The following ATP23 variants were observed in gnomAD, a reference collection of about 807,000 sequenced individuals.
ATP23 encodes the protein ATP23 metallopeptidase and ATP synthase assembly factor homolog, also known as mitochondrial inner membrane protease ATP23 homolog.
A neutral mutation model predicts 28.5 loss-of-function variants in ATP23; 24 were observed. The observed-to-expected ratio is 0.84, with a 90% CI of 0.61 to 1.18. The LOEUF is 1.18. Ranked by LOEUF, ATP23 falls within the 50% of genes most tolerant of loss-of-function variation. The pLI is 0.00. For synonymous variants in ATP23, 99 were observed against 108.6 expected (o/e 0.91, Z 0.55); for missense variants, 274 against 306.4 (o/e 0.89, Z 0.79).
intron 1 of ATP23, among the ~76,000 whole-genome samples, chr12:57,943,982 T>TC (rs201519012): frequency 2.2e-5 from 3 of 135,902 alleles, no homozygotes; most frequent in African/African-American, 7.9e-5. Flanking sequence ...TGGGAGTCTC[T>TC]TTTTTTTTTT....
In ATP23 at chr12:57,959,107, A is replaced by G. The variant is rs1169205194; in HGVS notation, c.*2217A>G. 2.0e-5 allele frequency among the ~76,000 whole-genome samples: 3 copies of G among 152,196 alleles called. No individual in the cohort carries two copies. Among genetic ancestry groups the G allele is most frequent in the Non-Finnish European group, 4.4e-5 (3 of 68,034 alleles). The stretch of plus-strand genomic sequence containing the variant: ...AATGCAAAATGCTCTGGAAAATCTC[A>G]GCAATAGAATTGAACAAGTAGAAGA... On this transcript the variant is annotated 3_prime_UTR_variant, in exon 6 of 6. Transcript: ENST00000300145.
intron 5 of ATP23, 118 bp downstream of exon 5, chr12:57,953,807 A>C: frequency 1.1e-6 from 1 of 886,912 alleles, no homozygotes; most frequent in South Asian, 1.5e-5. Flanking sequence ...TGTGAAAAGA[A>C]TACAAAGTAT....
In ATP23 at chr12:57,956,726, G is replaced by A; in HGVS notation, c.577G>A (p.Val193Ile). 6.2e-7 allele frequency: 1 copy of A among 1,613,870 alleles called. No individual in the cohort carries two copies. The highest frequency in any genetic ancestry group is 8.5e-7 in the Non-Finnish European group (1 of 1,179,926). The change falls in exon 6 of 6, where the codon GTT becomes ATT. Residue 193 changes from valine (V) to isoleucine (I), a missense_variant. Val to Ile is a conservative substitution (Grantham distance 29). Coordinates refer to ENST00000300145, the MANE Select transcript of ATP23 (RefSeq NM_033276.4). ...CAGAGCCACTCTTTCTATCCTGGCT[G>A]TTAGGAATATCAGCAAAGAAGTAGC... ...RDRATLSILA[V>I]RNISKEVAKK...
At position 57,941,584 on chromosome 12, in the gene ATP23, C is replaced by G; in HGVS notation, c.-118C>G. 1 of 1,388,438 alleles carries G rather than the reference C, an allele frequency of 7.2e-7. No homozygotes were observed. The highest frequency in any genetic ancestry group is 9.5e-7 in the Non-Finnish European group (1 of 1,047,662). The allele number at this position is 1,388,438 out of a possible 1,614,324, so 86.0% of individuals were successfully genotyped here. A position where few individuals can be genotyped will look rare whatever the true frequency, so the allele number is the denominator to read the frequency against. On this transcript the variant is annotated 5_prime_UTR_variant, in exon 1 of 6. Coordinates refer to ENST00000300145, the MANE Select transcript of ATP23 (RefSeq NM_033276.4). ...ACGTCTTCAGCCCAGCCAGGCTGCC[C>G]TTCTTCCCTGCGGAGGGAGGGCCTG...
intron 1 of ATP23, among the ~76,000 whole-genome samples, chr12:57,944,030 G>T: frequency 7.4e-6 from 1 of 134,380 alleles, no homozygotes; most frequent in Non-Finnish European, 1.6e-5. Context: ...AAATATTGCT[G>T]CAGGTCCTTT....
chr12:57,942,330 G>T (rs924845982), intron 1 of ATP23, among the ~76,000 whole-genome samples: 4 of 152,096 alleles, frequency 2.6e-5, no homozygotes, highest in Non-Finnish European at 5.9e-5. Context: ...ACCGTTCCTT[G>T]GAAGTGGTTC....
In ATP23 at chr12:57,944,164, C is replaced by T. The variant is rs191421205; in HGVS notation, c.188-1464C>T. ...AATAATGTGCTTAATATGGTGCCTGCTACCTGGTATTCACTCAATAATACG... is the reference window on the plus strand; with the variant it reads ...AATAATGTGCTTAATATGGTGCCTGTTACCTGGTATTCACTCAATAATACG... On this transcript the variant is annotated intron_variant, in intron 1 of 5. Coordinates refer to ENST00000300145, the MANE Select transcript of ATP23 (RefSeq NM_033276.4). 7.4e-3 allele frequency among the ~76,000 whole-genome samples: 1,119 copies of T among 151,474 alleles called. 7 individuals carry two copies. Among genetic ancestry groups the T allele is most frequent in the Middle Eastern group, 0.017 (5 of 294 alleles).
rs1226601610 is a variant in ATP23, at chr12:57,958,407, C to G, written c.*1517C>G. Among the ~76,000 whole-genome samples, 1 of 152,186 alleles carries G rather than the reference C, an allele frequency of 6.6e-6. No individual in the cohort carries two copies. The highest frequency in any genetic ancestry group is 1.5e-5 in the Non-Finnish European group (1 of 68,032). ...ACTGATGCTCTCTGGAAAGCGCTACCTCCTGGCAGGAGGCCAGCCAGCACA... is the reference window on the plus strand; with the variant it reads ...ACTGATGCTCTCTGGAAAGCGCTACGTCCTGGCAGGAGGCCAGCCAGCACA... On this transcript the variant is annotated 3_prime_UTR_variant, in exon 6 of 6. Coordinates refer to ENST00000300145, the MANE Select transcript of ATP23 (RefSeq NM_033276.4).
At chr12:57,953,556 T>C in intron 4 of ATP23, 50 bp from the exon 5 acceptor site, 5 of 1,480,322 alleles carry the variant, frequency 3.4e-6, no homozygotes, top group Non-Finnish European at 4.7e-6. Flanking sequence ...ATCATAAAGA[T>C]ATATAGAGCA....
At chr12:57,951,671 A>C in intron 3 of ATP23, 87 bp from the exon 4 acceptor site, 1 of 1,439,976 alleles carries the variant, frequency 6.9e-7, no homozygotes, top group East Asian at 2.3e-5. Flanking sequence ...CTTGTGGGGG[A>C]GAGGTGAGGT....
Position 57,954,021 on chromosome 12 carries a change from C to T in ATP23, c.537+332C>T, listed in dbSNP as rs563409562. ...CAGCGTGGCCAACATGGTGAAACCC[C>T]GTGTCTACTAAAAATACAAAAAAAT... On this transcript the variant is annotated intron_variant, in intron 5 of 5. Coordinates refer to ENST00000300145, the MANE Select transcript of ATP23 (RefSeq NM_033276.4). 3.3e-5 allele frequency among the ~76,000 whole-genome samples: 5 copies of T among 151,818 alleles called. No homozygotes were observed. In the East Asian group the frequency reaches 5.8e-4, roughly 18 times the overall value.
chr12:57,946,927 C>A, intron 2 of ATP23, 68 bp from the exon 3 acceptor site: 2 of 1,424,974 alleles, frequency 1.4e-6, no homozygotes, highest in South Asian at 1.2e-5. Flanking sequence ...GTCTCCTGAG[C>A]CCTGGCCCAG....
At chr12:57,945,814 A>G in intron 2 of ATP23, 141 bp downstream of exon 2, 1 of 699,364 alleles carries the variant, frequency 1.4e-6, no homozygotes, top group Non-Finnish European at 2.4e-6. Flanking sequence ...AATTGGCTGC[A>G]TTGTCTCCGG....
chr12:57,953,580 C>G (rs777495341), intron 4 of ATP23, 26 bp from the exon 5 acceptor site: 51 of 1,602,106 alleles, frequency 3.2e-5, no homozygotes, highest in Non-Finnish European at 4.3e-5. Flanking sequence ...GCGTTTATTT[C>G]TTTTTATTTG....
chr12:57,956,467 G>A (rs1481688576), intron 5 of ATP23, among the ~76,000 whole-genome samples: 2 of 151,886 alleles, frequency 1.3e-5, no homozygotes, highest in African/African-American at 4.8e-5. Context: ...AGAAAATGGA[G>A]AAGGTCTTAC....
At chr12:57,945,766 T>C in intron 2 of ATP23, 93 bp downstream of exon 2, 1 of 1,198,442 alleles carries the variant, frequency 8.3e-7, no homozygotes, top group Non-Finnish European at 1.2e-6. Flanking sequence ...AAGATTTCTC[T>C]GAGGTCACAA....
intron 1 of ATP23, among the ~76,000 whole-genome samples, chr12:57,942,366 G>C (rs1057207103): frequency 6.6e-6 from 1 of 151,778 alleles, no homozygotes; most frequent in Non-Finnish European, 1.5e-5. Flanking sequence ...TCAGAGCGTA[G>C]AAATCCCTGA....
chr12:57,958,840 CA>C lies in ATP23; in HGVS notation c.*1957del, dbSNP rs1293912393. On this transcript the variant is annotated 3_prime_UTR_variant, in exon 6 of 6. Transcript: ENST00000300145. ...CAAAACAAAAGCTCTTTAACACCCACAAAAAAATCACACTAGTTCACCAGCA... is the reference window on the plus strand; with the variant it reads ...CAAAACAAAAGCTCTTTAACACCCACAAAAAATCACACTAGTTCACCAGCA... Among the ~76,000 whole-genome samples the C allele has an allele frequency of 6.6e-6, 1 of 152,034 alleles. No homozygotes were observed. Among genetic ancestry groups the C allele is most frequent in the Non-Finnish European group, 1.5e-5 (1 of 67,994 alleles).
intron 3 of ATP23, among the ~76,000 whole-genome samples, chr12:57,950,830 C>T (rs1355514837): frequency 1.3e-5 from 2 of 152,192 alleles, no homozygotes; most frequent in East Asian, 1.9e-4. Context: ...CACCCAACCT[C>T]ATTGTATATG....
Sources: allele counts gnomAD v4.1 joint callset (sites outside exome capture counted in the v4.1 genomes callset), GRCh38; gene constraint gnomAD v4.1.1; transcripts MANE v1.5; gene names NCBI Gene and HGNC (gene_info 2026-07-23, HGNC 2026-07-21).